FGF13: variants seen among roughly 807,000 people sequenced by gnomAD.
FGF13 encodes fibroblast growth factor homologous factor 2.
In FGF13, 2 loss-of-function variants were observed where a neutral mutation model predicts 19.5. That is an observed-to-expected ratio of 0.10 (90% CI 0.04 to 0.32). FGF13 has a LOEUF of 0.32. Among genes scored for constraint, FGF13 ranks in the 10% least tolerant of loss-of-function variants. FGF13 has a pLI of 1.00. For synonymous variants in FGF13, 72 were observed against 76.9 expected (o/e 0.94, Z 0.33); for missense variants, 113 against 192.7 (o/e 0.59, Z 2.45).
intron 3 of FGF13, among the ~76,000 whole-genome samples, chrX:138,774,473 C>T (rs769723521): frequency 3.3e-4 from 37 of 111,462 alleles, no homozygotes; most frequent in African/African-American, 1.0e-3. Flanking sequence ...AGCACTTTGG[C>T]CAAAGTCACC....
In FGF13 at chrX:139,161,574, A is replaced by T. The variant is rs1218695647; in HGVS notation, c.-113+41842T>A. Among the ~76,000 whole-genome samples, 24 of 111,970 alleles carry T rather than the reference A, an allele frequency of 2.1e-4. No individual in the cohort carries two copies. The Admixed American group carries it at 2.3e-3, about 11-fold the overall frequency. ...CGGCACTCAGGCAAGAGAAAGAAATAAAGTGTATTTAAATAGGAAGAGAGG... is the reference window on the plus strand; with the variant it reads ...CGGCACTCAGGCAAGAGAAAGAAATTAAGTGTATTTAAATAGGAAGAGAGG... On this transcript the variant is annotated intron_variant, in intron 1 of 2. Transcript: ENST00000421460.
At chrX:139,029,584 T>A (rs1223201131) in intron 1 of FGF13, among the ~76,000 whole-genome samples, 1 of 111,832 alleles carries the variant, frequency 8.9e-6, no homozygotes, top group Non-Finnish European at 1.9e-5. Flanking sequence ...GTAAAACTAA[T>A]AAAATGTGTC....
At chrX:138,922,896 C>T (rs1207041800) in intron 1 of FGF13, among the ~76,000 whole-genome samples, 1 of 111,854 alleles carries the variant, frequency 8.9e-6, no homozygotes, top group Non-Finnish European at 1.9e-5. Context: ...ACTTTCAACA[C>T]CATAAATCCA....
In FGF13 at chrX:138,617,679, A is replaced by G. The variant is rs2088980973; in HGVS notation, c.*15171T>C. 8.9e-6 allele frequency: 1 copy of G among 111,763 alleles called. No homozygotes were observed. Among genetic ancestry groups the G allele is most frequent in the Non-Finnish European group, 1.9e-5 (1 of 53,220 alleles). The allele number at this position is 111,763 out of a possible 1,213,427, so 9.2% of individuals were successfully genotyped here. A position where few individuals can be genotyped will look rare whatever the true frequency, so the allele number is the denominator to read the frequency against. On this transcript the variant is annotated 3_prime_UTR_variant, in exon 5 of 5. Transcript: ENST00000315930. ...GGATAGCTGGGCACAGTGACTCACA[A>G]TTGGTATCCTCAGGACTTGGGAGGT...
At chrX:139,043,995 T>C (rs771357861) in intron 1 of FGF13, among the ~76,000 whole-genome samples, 1 of 111,645 alleles carries the variant, frequency 9.0e-6, no homozygotes, top group Non-Finnish European at 1.9e-5. Context: ...GAGGTAATTG[T>C]TTTGTGGGTA....
At chrX:139,026,670 C>A (rs1054217334) in intron 1 of FGF13, among the ~76,000 whole-genome samples, 25 of 111,682 alleles carry the variant, frequency 2.2e-4, no homozygotes, top group Non-Finnish European at 4.5e-4. Context: ...TGCTCACTAC[C>A]ATTCTCGCCA....
At chrX:138,896,482 C>T (rs1407584361) in intron 1 of FGF13, among the ~76,000 whole-genome samples, 1 of 111,407 alleles carries the variant, frequency 9.0e-6, no homozygotes, top group African/African-American at 3.3e-5. Context: ...TGCACATGGC[C>T]GCCAAATTAA....
At chrX:139,169,179 A>G (rs2084109930) in intron 1 of FGF13, among the ~76,000 whole-genome samples, 1 of 112,067 alleles carries the variant, frequency 8.9e-6, no homozygotes, top group South Asian at 3.7e-4. Context: ...CACACCTCAT[A>G]AGGGTTGAGC....
At position 139,141,249 on chromosome X, in the gene FGF13, C is replaced by A. The variant is rs189579116; in HGVS notation, c.-113+62167G>T. 1.4e-4 allele frequency among the ~76,000 whole-genome samples: 16 copies of A among 111,192 alleles called. No individual in the cohort carries two copies. In the East Asian group the frequency reaches 4.5e-3, roughly 32 times the overall value. ...TTTACTATCTCCAAACTCCACTCCA[C>A]TAGAATATAAAATCCACAAAAGCAA... is the stretch of plus-strand genomic sequence containing the variant. On this transcript the variant is annotated intron_variant, in intron 1 of 2. Coordinates refer to the FGF13 transcript ENST00000421460.
In FGF13 at chrX:138,973,248, T is replaced by C. The variant is rs180924690; in HGVS notation, c.-112-108598A>G. Among the ~76,000 whole-genome samples, 691 of 112,345 alleles carry C rather than the reference T, an allele frequency of 6.2e-3. 8 individuals carry two copies. The highest frequency in any genetic ancestry group is 0.022 in the African/African-American group (671 of 30,971). ...CTCAAGAAATATTTAAATTTCTTCA[T>C]TGACTCATTGGTTGTTCAGGAATAT... On this transcript the variant is annotated intron_variant, in intron 1 of 2. Coordinates refer to the FGF13 transcript ENST00000421460.
intron 3 of FGF13, among the ~76,000 whole-genome samples, chrX:138,660,046 CA>C (rs1199565684): frequency 2.7e-5 from 3 of 111,231 alleles, no homozygotes; most frequent in Non-Finnish European, 5.7e-5. Context: ...TGCACTTCTG[CA>C]CATGTATCCC....
intron 1 of FGF13, among the ~76,000 whole-genome samples, chrX:139,094,343 T>C (rs1202527666): frequency 8.9e-6 from 1 of 111,980 alleles, no homozygotes; most frequent in African/African-American, 3.3e-5. Flanking sequence ...AAAACCACTG[T>C]TTTCAAACCT....
intron 1 of FGF13, among the ~76,000 whole-genome samples, chrX:139,026,362 A>T (rs1439800955): frequency 5.4e-5 from 6 of 111,836 alleles, no homozygotes; most frequent in Non-Finnish European, 1.1e-4. Flanking sequence ...ATGATTATTA[A>T]ATGAGATAAA....
At chrX:138,878,722 G>A (rs187368163) in intron 1 of FGF13, among the ~76,000 whole-genome samples, 160 of 110,668 alleles carry the variant, frequency 1.4e-3, no homozygotes, top group African/African-American at 4.8e-3. Flanking sequence ...CTGAGGAATC[G>A]CCACGCTGAC....
chrX:138,843,801 T>G (rs1023127190), intron 3 of FGF13, among the ~76,000 whole-genome samples: 40 of 111,948 alleles, frequency 3.6e-4, no homozygotes, highest in Non-Finnish European at 4.7e-4. Context: ...ATTTTTTTAA[T>G]CCCAAAAACA....
At position 138,617,420 on chromosome X, in the gene FGF13, C is replaced by G. The variant is rs2124062710; in HGVS notation, c.*15430G>C. On this transcript the variant is annotated 3_prime_UTR_variant, in exon 5 of 5. Transcript: ENST00000315930. ...GGAAATACTTGGAAGTGAATATAAT[C>G]AACTAACTTGCAACCGTAAGTTGGA... The G allele has an allele frequency of 8.9e-6, 1 of 112,030 alleles. No individual in the cohort carries two copies. The highest frequency in any genetic ancestry group is 3.7e-4 in the South Asian group (1 of 2,685). The allele number at this position is 112,030 out of a possible 1,213,427, so 9.2% of individuals were successfully genotyped here.
At chrX:138,660,850 A>C (rs1464284002) in intron 3 of FGF13, among the ~76,000 whole-genome samples, 1 of 111,733 alleles carries the variant, frequency 8.9e-6, no homozygotes, top group Non-Finnish European at 1.9e-5. Flanking sequence ...CTTCATTTTT[A>C]GAATAAAGTG....
downstream of FGF13, among the ~76,000 whole-genome samples, chrX:138,852,549 T>G (rs922952055): frequency 9.0e-6 from 1 of 111,708 alleles, no homozygotes; most frequent in Non-Finnish European, 1.9e-5. Flanking sequence ...TATACAAAAC[T>G]TAATTCAAGA....
chrX:138,876,331 A>G (rs1196599250), intron 1 of FGF13, among the ~76,000 whole-genome samples: 1 of 112,594 alleles, frequency 8.9e-6, no homozygotes, highest in Non-Finnish European at 1.9e-5. Context: ...AGAATATAGT[A>G]AAGGTAAAGT....
Sources: gnomAD v4.1 joint callset for allele counts (sites outside exome capture counted in the v4.1 genomes callset) on GRCh38, gnomAD v4.1.1 for gene constraint, MANE v1.5 for transcripts, NCBI Gene and HGNC (gene_info 2026-07-23, HGNC 2026-07-21) for gene names.